TTC29: variants seen among roughly 807,000 people sequenced by gnomAD.
TTC29 encodes the protein tetratricopeptide repeat domain 29, also known as tetratricopeptide repeat protein 29.
Under a neutral mutation model 58.1 loss-of-function variants are expected in TTC29, and 49 were observed. The observed-to-expected ratio is 0.84, with a 90% CI of 0.67 to 1.07. TTC29 has a LOEUF of 1.07. Ranked by LOEUF, TTC29 falls within the 50% of genes least tolerant of loss-of-function variation. TTC29 has a pLI of 0.00. For synonymous variants in TTC29, 209 were observed against 196.8 expected (o/e 1.06, Z -0.52); for missense variants, 582 against 555.6 (o/e 1.05, Z -0.48).
intron 11 of TTC29, among the ~76,000 whole-genome samples, chr4:146,747,381 C>A (rs1745626003): frequency 6.6e-6 from 1 of 152,176 alleles, no homozygotes; most frequent in African/African-American, 2.4e-5. Context: ...ACCACAGGAA[C>A]CTGGTAGCAT....
At chr4:146,854,533 TC>T (rs1227029757) in intron 8 of TTC29, among the ~76,000 whole-genome samples, 3 of 152,124 alleles carry the variant, frequency 2.0e-5, no homozygotes, top group Non-Finnish European at 4.4e-5. Context: ...CCTCAATTGT[TC>T]TTAATAAATT....
At chr4:146,875,900 G>A (rs1376664111) in intron 6 of TTC29, among the ~76,000 whole-genome samples, 1 of 152,160 alleles carries the variant, frequency 6.6e-6, no homozygotes, top group Non-Finnish European at 1.5e-5. Context: ...GCTCCATACA[G>A]TGGATTGTAT....
At chr4:146,787,404 C>CTG (rs1284272865) in intron 11 of TTC29, among the ~76,000 whole-genome samples, 11 of 152,040 alleles carry the variant, frequency 7.2e-5, no homozygotes, top group Admixed American at 3.9e-4. Flanking sequence ...GTGTTTGCAT[C>CTG]TGTGTGTGTG....
At chr4:146,742,421 GA>G (rs1745221273) in intron 11 of TTC29, among the ~76,000 whole-genome samples, 1 of 152,170 alleles carries the variant, frequency 6.6e-6, no homozygotes, top group South Asian at 2.1e-4. Context: ...TGTGAAGGAA[GA>G]CTCCCTGCAT....
chr4:146,738,664 G>C (rs1056982149), intron 11 of TTC29, among the ~76,000 whole-genome samples: 1 of 152,068 alleles, frequency 6.6e-6, no homozygotes, highest in Non-Finnish European at 1.5e-5. Context: ...TCAGGGGTAG[G>C]CTTCAGGAAA....
intron 8 of TTC29, among the ~76,000 whole-genome samples, chr4:146,858,181 C>T (rs941014265): frequency 6.6e-6 from 1 of 152,172 alleles, no homozygotes; most frequent in Non-Finnish European, 1.5e-5. Context: ...CACAGTGAAG[C>T]TGCCATTAGT....
At chr4:146,813,169 C>A (rs1383785787) in intron 10 of TTC29, 1 of 152,164 alleles carries the variant, frequency 6.6e-6, no homozygotes, top group Non-Finnish European at 1.5e-5. Flanking sequence ...TGAGCAAGCT[C>A]AAAATAAATG....
intron 10 of TTC29, 98 bp downstream of exon 10, chr4:146,820,027 T>C (rs1561157095): frequency 2.7e-6 from 4 of 1,493,900 alleles, no homozygotes; most frequent in Non-Finnish European, 3.7e-6. Flanking sequence ...TAATATATTG[T>C]GGGAAGACAA....
At chr4:146,893,823 C>A (rs550381213) in intron 6 of TTC29, among the ~76,000 whole-genome samples, 43 of 151,970 alleles carry the variant, frequency 2.8e-4, no homozygotes, top group East Asian at 7.7e-4. Flanking sequence ...CAAGGAACTC[C>A]AACAAATTTA....
intron 3 of TTC29, 120 bp downstream of exon 3, chr4:146,939,684 T>C (rs1736179200): frequency 5.6e-6 from 5 of 891,736 alleles, no homozygotes; most frequent in Non-Finnish European, 6.9e-6. Context: ...ATATTCTCAA[T>C]ATAACAAGGC....
At chr4:146,825,789 C>A (rs1052896750) in intron 9 of TTC29, among the ~76,000 whole-genome samples, 1 of 152,136 alleles carries the variant, frequency 6.6e-6, no homozygotes, top group Non-Finnish European at 1.5e-5. Flanking sequence ...GGTGCTCCTG[C>A]ATTGGGTGCA....
chr4:146,824,469 G>T (rs1214008271), intron 9 of TTC29, among the ~76,000 whole-genome samples: 1 of 152,002 alleles, frequency 6.6e-6, no homozygotes, highest in Non-Finnish European at 1.5e-5. Context: ...ATCATGGTGG[G>T]TAAGTTTTTA....
chr4:146,923,375 G>A (rs866066150), intron 4 of TTC29, among the ~76,000 whole-genome samples: 2 of 151,310 alleles, frequency 1.3e-5, no homozygotes, highest in African/African-American at 4.8e-5. Flanking sequence ...CGAAACCATC[G>A]TAAGTAGAGT....
chr4:146,857,052 A>T (rs1205279274), intron 8 of TTC29, among the ~76,000 whole-genome samples: 1 of 141,028 alleles, frequency 7.1e-6, no homozygotes, highest in Admixed American at 7.5e-5. Context: ...CAGATATGGA[A>T]TATATTTTTA....
intron 11 of TTC29, among the ~76,000 whole-genome samples, chr4:146,714,164 T>C (rs1742749364): frequency 6.6e-6 from 1 of 152,138 alleles, no homozygotes; most frequent in African/African-American, 2.4e-5. Context: ...ACAAGAAATA[T>C]GTTTGAATAC....
At chr4:146,855,564 G>T (rs1729790839) in intron 8 of TTC29, among the ~76,000 whole-genome samples, 1 of 152,138 alleles carries the variant, frequency 6.6e-6, no homozygotes, top group Non-Finnish European at 1.5e-5. Flanking sequence ...AAATTACTGG[G>T]TAAAAGAGTT....
At chr4:146,810,733 G>T (rs1236289640) in intron 10 of TTC29, among the ~76,000 whole-genome samples, 1 of 151,744 alleles carries the variant, frequency 6.6e-6, no homozygotes, top group African/African-American at 2.4e-5. Context: ...TGGGATTACA[G>T]GCATATGCCA....
At chr4:146,720,864 C>A (rs1023030404) in intron 11 of TTC29, among the ~76,000 whole-genome samples, 2 of 152,104 alleles carry the variant, frequency 1.3e-5, no homozygotes, top group Non-Finnish European at 2.9e-5. Flanking sequence ...GTGTCAGTCA[C>A]AAATGATAAT....
chr4:146,711,623 C>T (rs1356089906), intron 11 of TTC29, among the ~76,000 whole-genome samples: 1 of 152,136 alleles, frequency 6.6e-6, no homozygotes, highest in Admixed American at 6.6e-5. Context: ...ATAAACTATG[C>T]TCCTATCTTA....
Sources: allele counts gnomAD v4.1 joint callset (sites outside exome capture counted in the v4.1 genomes callset), GRCh38; gene constraint gnomAD v4.1.1; transcripts MANE v1.5; gene names NCBI Gene and HGNC (gene_info 2026-07-23, HGNC 2026-07-21).